The following DCDC1 variants were observed in gnomAD, a reference collection of about 807,000 sequenced individuals.
DCDC1 encodes the protein doublecortin domain-containing protein 1.
DCDC1 carries 200 observed loss-of-function variants against 178.3 expected under a neutral mutation model. That is an observed-to-expected ratio of 1.12 (90% CI 1.00 to 1.26). DCDC1 has a LOEUF of 1.26. Ranked by LOEUF, DCDC1 falls within the 50% of genes most tolerant of loss-of-function variation. DCDC1 has a pLI of 0.00. For synonymous variants in DCDC1, 690 were observed against 604.8 expected, an observed-to-expected ratio of 1.14 and a Z score of -2.07; for missense variants, 1,983 against 1,749.2, an observed-to-expected ratio of 1.13 and a Z score of -2.38.
intron 38 of DCDC1, among the ~76,000 whole-genome samples, chr11:30,867,189 TA>T (rs1424054481): frequency 6.6e-6 from 1 of 152,212 alleles, no homozygotes; most frequent in Non-Finnish European, 1.5e-5. Context: ...TTTTCAGAAT[TA>T]CCAAGACCAC....
At chr11:31,125,397 A>G (rs538068868) in intron 11 of DCDC1, among the ~76,000 whole-genome samples, 1 of 152,328 alleles carries the variant, frequency 6.6e-6, no homozygotes, top group South Asian at 2.1e-4. Flanking sequence ...AACTGGAAGT[A>G]CCATTTGATC....
At chr11:31,110,447 A>T in intron 11 of DCDC1, 86 bp from the exon 12 acceptor site, 1 of 591,830 alleles carries the variant, frequency 1.7e-6, no homozygotes, top group South Asian at 2.1e-5. Flanking sequence ...AAATTTAGGC[A>T]GTCATCCTTT....
rs114453982 is a variant in DCDC1 at position 30,920,722 on chromosome 11, G to A, written c.3293+54C>T. 583 of 1,595,122 alleles carry A rather than the reference G, an allele frequency of 3.7e-4. 5 individuals carry two copies. In the African/African-American group the frequency reaches 7.3e-3, roughly 20 times the overall value. On this transcript the variant is annotated intron_variant, in intron 25 of 38. Transcript: ENST00000684477. ...GGCTCTGTGCTGTTATCGGGCTAATGAGCTGAGTTCAAAAAGCAGCCAGGT... is the reference window on the plus strand; with the variant it reads ...GGCTCTGTGCTGTTATCGGGCTAATAAGCTGAGTTCAAAAAGCAGCCAGGT...
chr11:31,078,087 C>T (rs1441018352), intron 17 of DCDC1, among the ~76,000 whole-genome samples, 162 bp from the exon 18 acceptor site: 1 of 152,220 alleles, frequency 6.6e-6, no homozygotes, highest in Non-Finnish European at 1.5e-5. Flanking sequence ...CTAAAGCTTT[C>T]CCTAAGACAA....
chr11:30,957,052 C>T (rs891693705), intron 20 of DCDC1, among the ~76,000 whole-genome samples: 1 of 152,134 alleles, frequency 6.6e-6, no homozygotes, highest in African/African-American at 2.4e-5. Flanking sequence ...ACCTCTGTAC[C>T]CATACACTCT....
At position 31,304,999 on chromosome 11, in the gene DCDC1, C is replaced by G. The variant is rs140879177; in HGVS notation, c.754+616G>C. 6.3e-4 allele frequency among the ~76,000 whole-genome samples: 96 copies of G among 152,158 alleles called. No individual in the cohort carries two copies. The Middle Eastern group carries it at 0.02, about 32-fold the overall frequency. ...GTTATTTTTTTAAATTTTAGAAAAT[C>G]TCCACATTTCTGAAATGTTGGAAGA... On this transcript the variant is annotated intron_variant, in intron 6 of 38. Transcript: ENST00000684477.
intron 20 of DCDC1, among the ~76,000 whole-genome samples, chr11:31,040,398 C>T (rs1453899949): frequency 1.3e-5 from 2 of 152,096 alleles, no homozygotes; most frequent in African/African-American, 4.8e-5. Context: ...TTGGGTGGGA[C>T]CTGATAACTC....
At chr11:31,085,569 A>T (rs959408181) in intron 17 of DCDC1, among the ~76,000 whole-genome samples, 3 of 152,158 alleles carry the variant, frequency 2.0e-5, no homozygotes, top group Non-Finnish European at 4.4e-5. Flanking sequence ...GAATATATCA[A>T]GAGTTTATTC....
intron 7 of DCDC1, among the ~76,000 whole-genome samples, chr11:31,275,104 T>A (rs1185915202): frequency 6.6e-6 from 1 of 152,140 alleles, no homozygotes; most frequent in East Asian, 1.9e-4. Context: ...CAGACATTAG[T>A]AGTCAAAAAA....
intron 9 of DCDC1, among the ~76,000 whole-genome samples, chr11:31,225,528 AAAG>A (rs1418833693): frequency 2.0e-5 from 3 of 151,408 alleles, no homozygotes; most frequent in Non-Finnish European, 2.9e-5. Context: ...AAATAAAATA[AAAG>A]AATAACAATA....
chr11:31,029,271 C>T (rs1953459971), intron 20 of DCDC1, among the ~76,000 whole-genome samples: 1 of 151,986 alleles, frequency 6.6e-6, no homozygotes, highest in Non-Finnish European at 1.5e-5. Context: ...AGCTCCTTAT[C>T]AATCATAAGC....
chr11:30,983,315 T>C (rs1277804752), intron 20 of DCDC1, among the ~76,000 whole-genome samples: 3 of 152,216 alleles, frequency 2.0e-5, no homozygotes, highest in Non-Finnish European at 2.9e-5. Flanking sequence ...TTGCTTACTT[T>C]TTATTGCTTC....
chr11:31,208,189 T>C (rs1174387359), intron 9 of DCDC1, among the ~76,000 whole-genome samples: 1 of 152,194 alleles, frequency 6.6e-6, no homozygotes, highest in Non-Finnish European at 1.5e-5. Context: ...CATTTCTGTC[T>C]GTTCAATTAC....
intron 18 of DCDC1, among the ~76,000 whole-genome samples, chr11:31,065,992 GA>G (rs954554645): frequency 2.0e-5 from 3 of 152,220 alleles, no homozygotes; most frequent in Non-Finnish European, 4.4e-5. Context: ...CCAGCAGCAG[GA>G]AAGAGTAATG....
intron 8 of DCDC1, among the ~76,000 whole-genome samples, chr11:31,257,373 A>G (rs1307259084): frequency 6.6e-6 from 1 of 152,156 alleles, no homozygotes; most frequent in Non-Finnish European, 1.5e-5. Context: ...ATGGTTCTAA[A>G]TCTCATAAAC....
chr11:31,090,645 T>C (rs536011701), intron 17 of DCDC1, among the ~76,000 whole-genome samples: 17 of 152,296 alleles, frequency 1.1e-4, no homozygotes, highest in South Asian at 4.1e-4. Context: ...GATATCCTTA[T>C]ATCTGCTTTG....
chr11:31,047,817 A>G (rs1441310955), intron 20 of DCDC1, among the ~76,000 whole-genome samples: 1 of 152,194 alleles, frequency 6.6e-6, no homozygotes. Context: ...TACTTTTTGA[A>G]TAACATATAA....
At chr11:31,334,382 C>T (rs1191034752) in intron 2 of DCDC1, among the ~76,000 whole-genome samples, 1 of 152,238 alleles carries the variant, frequency 6.6e-6, no homozygotes, top group Non-Finnish European at 1.5e-5. Context: ...CTACTTCTGT[C>T]AGCTTGTCAA....
intron 9 of DCDC1, among the ~76,000 whole-genome samples, chr11:31,139,645 C>T (rs1963579915): frequency 6.6e-6 from 1 of 152,180 alleles, no homozygotes. Context: ...TTTGGTGCCA[C>T]AGCAGGTGAG....
Sources: allele counts gnomAD v4.1 joint callset (sites outside exome capture counted in the v4.1 genomes callset), GRCh38; gene constraint gnomAD v4.1.1; transcripts MANE v1.5; gene names NCBI Gene and HGNC (gene_info 2026-07-23, HGNC 2026-07-21).